Variants in KIF13B observed in about 807,000 individuals in gnomAD.
KIF13B encodes the protein kinesin family member 13B.
KIF13B carries 127 observed loss-of-function variants against 222.0 expected under a neutral mutation model. The ratio of observed to expected loss-of-function variants is 0.57; its 90% CI spans 0.50 to 0.66. The LOEUF (loss-of-function observed/expected upper bound fraction) is 0.66, where lower values mean the gene tolerates loss of function less well. Among genes scored for constraint, KIF13B ranks in the 30% least tolerant of loss-of-function variants. The probability of loss-of-function intolerance (pLI) is 0.00; values close to 1 mark genes in which losing one functional copy is unlikely to be tolerated. For missense variants in KIF13B, 2,173 were observed against 2,379.0 expected, an observed-to-expected ratio of 0.91 and a Z score of 1.80; for synonymous variants, 976 against 919.0, an observed-to-expected ratio of 1.06 and a Z score of -1.12.
chr8:29,119,376 T>G (rs879490558), intron 29 of KIF13B, among the ~76,000 whole-genome samples: 5 of 152,134 alleles, frequency 3.3e-5, no homozygotes, highest in Non-Finnish European at 7.4e-5. Context: ...GACAGCAACA[T>G]TCACCAGAAG....
chr8:29,109,976 T>G lies in KIF13B; in HGVS notation c.4025A>C (p.Lys1342Thr). 6.2e-7 allele frequency: 1 copy of G among 1,612,804 alleles called. No individual in the cohort carries two copies. The highest frequency in any genetic ancestry group is 8.5e-7 in the Non-Finnish European group (1 of 1,179,408). ...ASADSEAYIE[K>T]YLRSVLAVEN... ...TACAGCCAGCACGCTCCTGAGGTAC[T>G]TTTCAATATAAGCCTCCGAGTCAGC... The change falls in exon 33 of 40, where the codon AAG becomes ACG. Residue 1342 changes from lysine (K) to threonine (T), a missense_variant. This residue lies in a region of KIF13B where 1,480 missense variants were observed against 1,722.8 expected (regional missense o/e 0.86). Coordinates refer to ENST00000524189, the MANE Select transcript of KIF13B (RefSeq NM_015254.4).
intron 8 of KIF13B, 81 bp from the exon 9 acceptor site, chr8:29,177,659 T>G: frequency 1.1e-6 from 1 of 941,132 alleles, no homozygotes; most frequent in Middle Eastern, 2.1e-4. Context: ...CCCAGCACTT[T>G]GGGAGGACAA....
chr8:29,245,214 G>C (rs1050196452), intron 2 of KIF13B, 132 bp downstream of exon 2: 5 of 680,226 alleles, frequency 7.4e-6, no homozygotes, highest in African/African-American at 1.8e-5. Context: ...TTGAGTACAG[G>C]CTCACAGAAG....
intron 2 of KIF13B, among the ~76,000 whole-genome samples, chr8:29,217,768 A>C (rs537242745): frequency 6.6e-6 from 1 of 152,168 alleles, no homozygotes; most frequent in African/African-American, 2.4e-5. Flanking sequence ...ACAAAGCACT[A>C]AGGTGCCCAG....
chr8:29,199,554 T>C (rs1394204989), intron 2 of KIF13B, among the ~76,000 whole-genome samples: 1 of 134,758 alleles, frequency 7.4e-6, no homozygotes, highest in Non-Finnish European at 1.5e-5. Flanking sequence ...TCATTGCCCT[T>C]ATGCAAATAT....
chr8:29,241,882 AAG>A (rs1411819782), intron 2 of KIF13B, among the ~76,000 whole-genome samples: 1 of 152,128 alleles, frequency 6.6e-6, no homozygotes, highest in East Asian at 1.9e-4. Flanking sequence ...TGAGGCAAAA[AAG>A]AAAAAAAGTA....
At chr8:29,107,134 CTTGT>C (rs1809109420) in intron 35 of KIF13B, among the ~76,000 whole-genome samples, 1 of 152,208 alleles carries the variant, frequency 6.6e-6, no homozygotes, top group Non-Finnish European at 1.5e-5. Context: ...TTTCCGTTCC[CTTGT>C]TTTTCTTTCT....
In KIF13B at chr8:29,196,194, T is replaced by C; in HGVS notation, c.155A>G (p.Gln52Arg). The stretch of plus-strand genomic sequence containing the variant: ...ACAAACCAAATCTCTTACCTTCGGC[T>C]GGCCCCTGAGCTCCCAAAACAGATG... ...TNLSKGDARG[Q>R]PKVFAYDHCF... The change falls in exon 3 of 40, where the codon CAG (glutamine) becomes CGG (arginine). Residue 52 changes from glutamine to arginine, a missense_variant. By Grantham distance (43) the Gln-to-Arg change is conservative. Around this residue, in one of 2 missense-constraint regions of KIF13B, gnomAD observed 1,480 missense variants for 1,722.8 expected, o/e 0.86. Transcript: ENST00000524189. 1 of 1,565,204 alleles carries C rather than the reference T, an allele frequency of 6.4e-7. No individual in the cohort carries two copies. The highest frequency in any genetic ancestry group is 8.7e-7 in the Non-Finnish European group (1 of 1,154,210).
chr8:29,125,067 A>G (rs1810048230), intron 26 of KIF13B, among the ~76,000 whole-genome samples: 1 of 152,186 alleles, frequency 6.6e-6, no homozygotes, highest in Non-Finnish European at 1.5e-5. Context: ...CAAAACAAAC[A>G]AAAAACCACT....
intron 37 of KIF13B, among the ~76,000 whole-genome samples, chr8:29,087,045 C>T (rs1808076894): frequency 6.6e-6 from 1 of 152,212 alleles, no homozygotes; most frequent in Non-Finnish European, 1.5e-5. Flanking sequence ...GTGCGCAGGG[C>T]AGTCCAGCCA....
intron 2 of KIF13B, among the ~76,000 whole-genome samples, chr8:29,225,305 A>G (rs1247819176): frequency 3.3e-5 from 5 of 152,218 alleles, no homozygotes; most frequent in Non-Finnish European, 7.3e-5. Flanking sequence ...TAGTCCTCAT[A>G]ACAACCCTAT....
At chr8:29,172,351 G>C (rs927174379) in intron 10 of KIF13B, among the ~76,000 whole-genome samples, 2 of 151,250 alleles carry the variant, frequency 1.3e-5, no homozygotes, top group Non-Finnish European at 2.9e-5. Flanking sequence ...CAGAGTGCAG[G>C]GATTACAGGT....
At chr8:29,199,741 C>G (rs377277085) in intron 2 of KIF13B, among the ~76,000 whole-genome samples, 1 of 152,150 alleles carries the variant, frequency 6.6e-6, no homozygotes, top group African/African-American at 2.4e-5. Context: ...AAAACACTCT[C>G]GACTTAACAA....
chr8:29,142,987 G>A (rs2129949694), intron 18 of KIF13B, among the ~76,000 whole-genome samples: 1 of 152,216 alleles, frequency 6.6e-6, no homozygotes, highest in South Asian at 2.1e-4. Flanking sequence ...CAAGTAGTTA[G>A]GACCACAGGT....
chr8:29,075,325 C>A lies in KIF13B; in HGVS notation c.4477G>T (p.Val1493Leu). The change falls in exon 38 of 40, where the codon GTG becomes TTG. Residue 1493 changes from valine to leucine, a missense_variant. Val to Leu is a conservative substitution (Grantham distance 32, BLOSUM62 1). This residue lies in a region of KIF13B where 693 missense variants were observed against 656.2 expected (regional missense o/e 1.06). Coordinates refer to ENST00000524189, the MANE Select transcript of KIF13B (RefSeq NM_015254.4). ...LAHQPVPRIM[V>L]QSASPDIRVT... is the part of the protein sequence containing the mutation. ...CTGATGTCCGGGCTGGCTGACTGCACCATGATGCGGGGCACGGGCTGAGGA... is the reference window on the plus strand; with the variant it reads ...CTGATGTCCGGGCTGGCTGACTGCAACATGATGCGGGGCACGGGCTGAGGA... The A allele has an allele frequency of 6.4e-7, 1 of 1,559,818 alleles. No homozygotes were observed. The highest frequency in any genetic ancestry group is 8.7e-7 in the Non-Finnish European group (1 of 1,151,362).
At chr8:29,105,007 C>A (rs772051280) in intron 35 of KIF13B, among the ~76,000 whole-genome samples, 5 of 151,828 alleles carry the variant, frequency 3.3e-5, no homozygotes, top group Admixed American at 1.3e-4. Context: ...CTCTCTGTCA[C>A]CCAGGCTGGA....
At chr8:29,233,863 T>C (rs1815390942) in intron 2 of KIF13B, among the ~76,000 whole-genome samples, 3 of 151,940 alleles carry the variant, frequency 2.0e-5, no homozygotes, top group Admixed American at 6.6e-5. Flanking sequence ...CTGAAGTACA[T>C]GTGTGTGTGT....
chr8:29,126,108 C>T (rs1586813505), intron 26 of KIF13B, among the ~76,000 whole-genome samples: 1 of 151,188 alleles, frequency 6.6e-6, no homozygotes, highest in African/African-American at 2.4e-5. Context: ...CAAAAACAAA[C>T]AAAAAAATGC....
Position 29,113,521 on chromosome 8 carries a change from T to A in KIF13B, c.3872A>T (p.His1291Leu), listed in dbSNP as rs1809452584. Residue 1291 changes from histidine (H) to leucine (L), a missense_variant, in exon 32 of 40, where the codon CAT becomes CTT. His to Leu is a moderately conservative substitution (Grantham distance 99). Coordinates refer to ENST00000524189, the MANE Select transcript of KIF13B (RefSeq NM_015254.4). The stretch of plus-strand genomic sequence containing the variant: ...TCCACAGCCAGGAATAGAACTTCGA[T>A]GAGACATCTTTTTTAGGAGACTCTG... Reference protein sequence around the residue: ...FAQSLLKKMSHRSSIPGCGVT... With the variant: ...FAQSLLKKMSLRSSIPGCGVT... The A allele has an allele frequency of 2.5e-6, 4 of 1,592,394 alleles. No individual in the cohort carries two copies. Among genetic ancestry groups the A allele is most frequent in the African/African-American group, 2.7e-5 (2 of 74,546 alleles).
Sources: allele counts gnomAD v4.1 joint callset (sites outside exome capture counted in the v4.1 genomes callset), GRCh38; gene constraint gnomAD v4.1.1; regional missense constraint gnomAD v4.1.1; transcripts MANE v1.5; gene names NCBI Gene and HGNC (gene_info 2026-07-23, HGNC 2026-07-21).